Variants in MORC3 observed in about 807,000 individuals in gnomAD.
MORC3 encodes the protein MORC family CW-type zinc finger 3, also known as MORC family CW-type zinc finger protein 3.
In MORC3, 31 loss-of-function variants were observed where a neutral mutation model predicts 109.1. The observed-to-expected ratio is 0.28, with a 90% CI of 0.21 to 0.38. MORC3 has a LOEUF of 0.38. Among genes scored for constraint, MORC3 ranks in the 10% least tolerant of loss-of-function variants. MORC3 has a pLI of 1.00. For missense variants in MORC3, 867 were observed against 1,135.8 expected, an observed-to-expected ratio of 0.76 and a Z score of 3.40; for synonymous variants, 395 against 380.7, an observed-to-expected ratio of 1.04 and a Z score of -0.44.
At chr21:36,335,310 ATT>A (rs144473276) in intron 2 of MORC3, among the ~76,000 whole-genome samples, 1,630 of 116,546 alleles carry the variant, frequency 0.014, 15 homozygotes, top group South Asian at 0.032. Flanking sequence ...AAAAGAAGGA[ATT>A]TTTTTTTTTT....
chr21:36,341,723 A>G (rs1357442748), intron 6 of MORC3, among the ~76,000 whole-genome samples, 177 bp downstream of exon 6: 1 of 152,174 alleles, frequency 6.6e-6, no homozygotes, highest in East Asian at 1.9e-4. Context: ...GCTGTATCAC[A>G]CACACACACA....
intron 1 of MORC3, among the ~76,000 whole-genome samples, chr21:36,323,885 T>G (rs1295287527): frequency 6.6e-6 from 1 of 152,150 alleles, no homozygotes; most frequent in African/African-American, 2.4e-5. Context: ...TAGTGTTTTT[T>G]TTTTTTAGAG....
intron 9 of MORC3, among the ~76,000 whole-genome samples, chr21:36,352,129 C>A (rs193294642): frequency 4.6e-4 from 70 of 152,138 alleles, no homozygotes; most frequent in Admixed American, 3.9e-3. Context: ...GAGTATAGTT[C>A]ATCATATTGA....
rs773428713 is a variant in MORC3, at chr21:36,369,020, T to C, written c.1652T>C (p.Ile551Thr). 4.3e-6 allele frequency: 7 copies of C among 1,611,970 alleles called. No homozygotes were observed. In the African/African-American group the frequency reaches 8.0e-5, roughly 18 times the overall value. ...LKRRLSTRSS[I>T]LNAKNRRLSS... is the part of the protein sequence containing the mutation. ...CGGAGACTTTCTACTCGTTCCTCAATTTTGAATGCAAAGAATCGGAGATTG... is the reference window on the plus strand; with the variant it reads ...CGGAGACTTTCTACTCGTTCCTCAACTTTGAATGCAAAGAATCGGAGATTG... Residue 551 changes from isoleucine to threonine, a missense_variant, in exon 15 of 17, where the codon ATT (isoleucine) becomes ACT (threonine). This residue lies in a region of MORC3 where 486 missense variants were observed against 502.1 expected (regional missense o/e 0.97). Coordinates refer to ENST00000400485, the MANE Select transcript of MORC3 (RefSeq NM_015358.3).
At chr21:36,358,940 A>G (rs1464676792) in intron 10 of MORC3, among the ~76,000 whole-genome samples, 3 of 152,100 alleles carry the variant, frequency 2.0e-5, no homozygotes, top group African/African-American at 7.2e-5. Context: ...CAGCCTCCCA[A>G]AGTGCTGGGA....
intron 9 of MORC3, among the ~76,000 whole-genome samples, chr21:36,349,767 G>A (rs2085550242): frequency 1.3e-5 from 2 of 152,216 alleles, no homozygotes; most frequent in South Asian, 4.1e-4. Flanking sequence ...AGAGGGCCTG[G>A]CCAATGCTGG....
intron 10 of MORC3, 45 bp downstream of exon 10, chr21:36,356,769 T>TGTGG (rs2085650367): frequency 8.0e-7 from 1 of 1,255,696 alleles, no homozygotes. Context: ...GATATCAAGA[T>TGTGG]GTGGTATTAG....
At chr21:36,361,396 T>C (rs1204078436) in intron 12 of MORC3, among the ~76,000 whole-genome samples, 3 of 149,332 alleles carry the variant, frequency 2.0e-5, no homozygotes, top group Admixed American at 6.7e-5. Flanking sequence ...ATACAAAAAT[T>C]AGCTGGGTGT....
At chr21:36,323,985 C>T (rs937157262) in intron 1 of MORC3, among the ~76,000 whole-genome samples, 5 of 151,878 alleles carry the variant, frequency 3.3e-5, no homozygotes, top group African/African-American at 9.7e-5. Context: ...AAGCGATTCT[C>T]CCGCCTCAGC....
intron 16 of MORC3, among the ~76,000 whole-genome samples, chr21:36,374,652 G>A (rs1013942355): frequency 3.3e-5 from 5 of 151,956 alleles, no homozygotes; most frequent in African/African-American, 7.3e-5. Flanking sequence ...AAAATTAACC[G>A]GGCATGGTGG....
At position 36,349,289 on chromosome 21, in the gene MORC3, T is replaced by C. The variant is rs772057025; in HGVS notation, c.1006-22T>C. ...GCATCATGTCTTATGCTTAAAATGC[T>C]GATTTCATTTTATTTTTTCAGGCAA... On this transcript the variant is annotated intron_variant, in intron 8 of 16. Transcript: ENST00000400485. 7 of 1,524,302 alleles carry C rather than the reference T, an allele frequency of 4.6e-6. No individual in the cohort carries two copies. The African/African-American group carries it at 9.6e-5, about 21-fold the overall frequency. 94.4% of individuals were successfully genotyped at this position (1,524,302 alleles called of 1,614,324 possible).
intron 2 of MORC3, among the ~76,000 whole-genome samples, chr21:36,334,882 A>G (rs1393198950): frequency 1.3e-5 from 2 of 152,222 alleles, no homozygotes; most frequent in East Asian, 3.9e-4. Flanking sequence ...TGTAATCCCA[A>G]CACTTTGGGA....
chr21:36,344,641 G>A lies in MORC3; in HGVS notation c.819G>A (p.Val273=). 2 of 1,614,126 alleles carry A rather than the reference G, an allele frequency of 1.2e-6. No individual in the cohort carries two copies. The highest frequency in any genetic ancestry group is 1.1e-5 in the South Asian group (1 of 91,074). ...AGATCATCCTACGTGGACAGAAAGT[G>A]AAGACACAGCTGGTTTCGAAGAGTC... ...RMQIILRGQK[V]KTQLVSKSLA... The change falls in exon 7 of 17, where the codon GTG becomes GTA. Residue 273 remains valine (V), a synonymous_variant. Coordinates refer to ENST00000400485, the MANE Select transcript of MORC3 (RefSeq NM_015358.3).
intron 2 of MORC3, among the ~76,000 whole-genome samples, chr21:36,334,565 T>C (rs954551217): frequency 6.6e-6 from 1 of 152,134 alleles, no homozygotes; most frequent in African/African-American, 2.4e-5. Flanking sequence ...CTCAGGAGTA[T>C]CTGGGATGAC....
At chr21:36,326,382 C>T (rs971636995) in intron 1 of MORC3, among the ~76,000 whole-genome samples, 5 of 151,602 alleles carry the variant, frequency 3.3e-5, no homozygotes, top group Non-Finnish European at 7.4e-5. Context: ...AAAAATTAGC[C>T]GGGCATGGTG....
intron 1 of MORC3, among the ~76,000 whole-genome samples, chr21:36,332,667 C>G (rs13051850): frequency 6.6e-6 from 1 of 151,986 alleles, no homozygotes; most frequent in Non-Finnish European, 1.5e-5. Flanking sequence ...ACAAATTGCC[C>G]TAAGTTAGAA....
In MORC3 at chr21:36,364,584, G is replaced by GGAGGCTGAGGCT. The variant is rs200196637; in HGVS notation, c.1619+339_1619+350dup. On this transcript the variant is annotated intron_variant, in intron 14 of 16. Coordinates refer to ENST00000400485, the MANE Select transcript of MORC3 (RefSeq NM_015358.3). ...CTGTAATCCCAGCTACTCCAGAGGC[G>GGAGGCTGAGGCT]GAGGCTGAGGCTGAGGCTGAGGCTG... Among the ~76,000 whole-genome samples the GGAGGCTGAGGCT allele has an allele frequency of 1.2e-4, 18 of 151,698 alleles. 1 individual carries two copies. In the East Asian group the frequency reaches 3.5e-3, roughly 30 times the overall value.
At position 36,369,167 on chromosome 21, in the gene MORC3, A is replaced by G; in HGVS notation, c.1799A>G (p.Gln600Arg). ...CATGATATTGACATGAAATCAGAAC[A>G]GAGTCACGTTGAGCAAGGTGGTGTT... ...VDHDIDMKSE[Q>R]SHVEQGGVQV... The change falls in exon 15 of 17, where the codon CAG becomes CGG. Residue 600 changes from glutamine to arginine, a missense_variant. This residue lies in a region of MORC3 where 486 missense variants were observed against 502.1 expected (regional missense o/e 0.97). Transcript: ENST00000400485. The G allele has an allele frequency of 6.2e-7, 1 of 1,614,210 alleles. No homozygotes were observed. Among genetic ancestry groups the G allele is most frequent in the Non-Finnish European group, 8.5e-7 (1 of 1,180,032 alleles).
At chr21:36,321,784 T>A (rs2085197191) in intron 1 of MORC3, among the ~76,000 whole-genome samples, 1 of 152,150 alleles carries the variant, frequency 6.6e-6, no homozygotes, top group Non-Finnish European at 1.5e-5. Context: ...AAACCTGTAG[T>A]GGAGAAACGG....
Sources: allele counts gnomAD v4.1 joint callset (sites outside exome capture counted in the v4.1 genomes callset), GRCh38; gene constraint gnomAD v4.1.1; regional missense constraint gnomAD v4.1.1; transcripts MANE v1.5; gene names NCBI Gene and HGNC (gene_info 2026-07-23, HGNC 2026-07-21).